ADARB2: variants seen among roughly 807,000 people sequenced by gnomAD.
ADARB2 encodes the protein adenosine deaminase RNA specific B2 (inactive).
A neutral mutation model predicts 62.2 loss-of-function variants in ADARB2; 25 were observed. The observed-to-expected ratio is 0.40, with a 90% CI of 0.29 to 0.56. The LOEUF is 0.56. Among genes scored for constraint, ADARB2 ranks in the 20% least tolerant of loss-of-function variants. The pLI, the probability that ADARB2 is intolerant of heterozygous loss-of-function variation, is 0.43. For synonymous variants in ADARB2, 572 were observed against 500.8 expected, an observed-to-expected ratio of 1.14 and a Z score of -1.90; for missense variants, 1,071 against 1,077.4, an observed-to-expected ratio of 0.99 and a Z score of 0.08.
chr10:1,296,497 T>C (rs1831524353), intron 3 of ADARB2, among the ~76,000 whole-genome samples: 1 of 152,124 alleles, frequency 6.6e-6, no homozygotes, highest in Admixed American at 6.5e-5. Flanking sequence ...TTGAGACACC[T>C]AACTGGCGGC....
At chr10:1,201,750 C>T (rs541166228) in intron 7 of ADARB2, among the ~76,000 whole-genome samples, 30 of 149,418 alleles carry the variant, frequency 2.0e-4, no homozygotes, top group Admixed American at 1.2e-3. Flanking sequence ...GCCTGGATCT[C>T]GGATGGTGGG....
At chr10:1,562,659 C>T (rs1177606618) in intron 1 of ADARB2, among the ~76,000 whole-genome samples, 1 of 152,242 alleles carries the variant, frequency 6.6e-6, no homozygotes, top group Non-Finnish European at 1.5e-5. Flanking sequence ...TGGAATACTT[C>T]CTGGAGGCTG....
chr10:1,585,695 C>T (rs150086704), intron 1 of ADARB2, among the ~76,000 whole-genome samples: 4 of 152,322 alleles, frequency 2.6e-5, no homozygotes, highest in African/African-American at 9.6e-5. Context: ...GTACATTTTA[C>T]GCAGACTGAT....
intron 1 of ADARB2, chr10:1,676,161 G>C (rs909707679): frequency 2.0e-6 from 1 of 512,276 alleles, no homozygotes; most frequent in African/African-American, 2.1e-5. Context: ...ATGAAATTAA[G>C]TGAGTTAATC....
At chr10:1,682,678 G>A (rs574067713) in intron 1 of ADARB2, among the ~76,000 whole-genome samples, 36 of 152,330 alleles carry the variant, frequency 2.4e-4, no homozygotes, top group African/African-American at 8.2e-4. Flanking sequence ...CACAGCCTCC[G>A]TTAGCAAGAC....
intron 3 of ADARB2, among the ~76,000 whole-genome samples, chr10:1,326,872 C>T (rs1215848786): frequency 2.1e-4 from 15 of 70,740 alleles, no homozygotes; most frequent in African/African-American, 5.3e-4. Flanking sequence ...CAGCGCCTCC[C>T]CACGGCACAG....
intron 1 of ADARB2, among the ~76,000 whole-genome samples, chr10:1,397,039 TGGAG>T (rs1268580170): frequency 5.0e-4 from 6 of 11,976 alleles, no homozygotes; most frequent in Admixed American, 1.1e-3. Context: ...CCCTCCCGAG[TGGAG>T]GCTTCCTGGG....
intron 3 of ADARB2, among the ~76,000 whole-genome samples, chr10:1,319,708 A>G (rs1265698101): frequency 2.0e-5 from 3 of 152,160 alleles, no homozygotes; most frequent in Admixed American, 2.0e-4. Context: ...TTTGTCTTGA[A>G]TGCCAAGGCA....
At chr10:1,717,667 T>C (rs562650946) in intron 1 of ADARB2, among the ~76,000 whole-genome samples, 3 of 151,796 alleles carry the variant, frequency 2.0e-5, no homozygotes, top group Non-Finnish European at 4.4e-5. Flanking sequence ...AACCTCCTCC[T>C]CCCGGGTTCA....
chr10:1,220,108 GTGA>G (rs1361292221), intron 6 of ADARB2, among the ~76,000 whole-genome samples: 8 of 143,580 alleles, frequency 5.6e-5, no homozygotes, highest in South Asian at 2.3e-4. Flanking sequence ...GGTGGTGGTG[GTGA>G]TGATGGTGAT....
At chr10:1,340,904 C>G (rs1832019384) in intron 3 of ADARB2, among the ~76,000 whole-genome samples, 1 of 151,360 alleles carries the variant, frequency 6.6e-6, no homozygotes, top group South Asian at 2.1e-4. Context: ...CGGCAATAAC[C>G]AGCATCCACC....
intron 9 of ADARB2, 56 bp downstream of exon 9, chr10:1,184,805 G>T: frequency 6.4e-7 from 1 of 1,571,732 alleles, no homozygotes; most frequent in Non-Finnish European, 8.6e-7. Context: ...CTTGCTCAGG[G>T]CTGGAGCCAG....
intron 1 of ADARB2, among the ~76,000 whole-genome samples, chr10:1,484,487 T>A (rs1831517879): frequency 6.6e-6 from 1 of 152,254 alleles, no homozygotes; most frequent in Non-Finnish European, 1.5e-5. Context: ...AAGTCTGTTC[T>A]GTCCAAGTCA....
At chr10:1,202,936 T>C (rs111620923) in intron 7 of ADARB2, among the ~76,000 whole-genome samples, 21 of 152,332 alleles carry the variant, frequency 1.4e-4, no homozygotes, top group African/African-American at 4.6e-4. Context: ...ATAACTTCTC[T>C]ATCTGGTTCC....
Position 1,297,888 on chromosome 10 carries a change from G to T in ADARB2, c.1078-26819C>A, listed in dbSNP as rs558364602. Reference sequence around the variant, plus strand: ...CCATGGCTGGAGGCCAGGAGAGAGGGTGGGACAGATGCCCCTTAGAATCAG... The same window carrying T: ...CCATGGCTGGAGGCCAGGAGAGAGGTTGGGACAGATGCCCCTTAGAATCAG... On this transcript the variant is annotated intron_variant, in intron 3 of 9. Coordinates refer to ENST00000381312, the MANE Select transcript of ADARB2 (RefSeq NM_018702.4). Among the ~76,000 whole-genome samples, 169 of 152,296 alleles carry T rather than the reference G, an allele frequency of 1.1e-3. 1 individual carries two copies. The Middle Eastern group carries it at 0.02, about 18-fold the overall frequency.
intron 1 of ADARB2, among the ~76,000 whole-genome samples, chr10:1,647,682 ATG>A (rs1042606816): frequency 2.0e-5 from 3 of 151,950 alleles, no homozygotes; most frequent in East Asian, 1.9e-4. Context: ...GTGTGTATAC[ATG>A]TGTGTATGTG....
At chr10:1,344,410 T>C (rs1832059565) in intron 3 of ADARB2, among the ~76,000 whole-genome samples, 1 of 152,200 alleles carries the variant, frequency 6.6e-6, no homozygotes, top group African/African-American at 2.4e-5. Context: ...AGAATATTTT[T>C]CCTGGTGTTG....
At chr10:1,456,756 T>C (rs1195794066) in intron 1 of ADARB2, among the ~76,000 whole-genome samples, 1 of 152,204 alleles carries the variant, frequency 6.6e-6, no homozygotes. Flanking sequence ...TTGAGACTTC[T>C]GTAAGAAAAT....
At chr10:1,328,653 C>T (rs1223096183) in intron 3 of ADARB2, among the ~76,000 whole-genome samples, 3 of 152,126 alleles carry the variant, frequency 2.0e-5, no homozygotes, top group Non-Finnish European at 1.5e-5. Flanking sequence ...AAATCCCCCT[C>T]CAGAGCTTGG....
Sources: gnomAD v4.1 joint callset for allele counts (sites outside exome capture counted in the v4.1 genomes callset) on GRCh38, gnomAD v4.1.1 for gene constraint, MANE v1.5 for transcripts, NCBI Gene and HGNC (gene_info 2026-07-23, HGNC 2026-07-21) for gene names.